The following C6orf89 variants were observed in gnomAD, a reference collection of about 807,000 sequenced individuals.
The protein encoded by C6orf89 is chromosome 6 open reading frame 89.
C6orf89 carries 29 observed loss-of-function variants against 40.7 expected under a neutral mutation model. The observed-to-expected ratio is 0.71, with a 90% confidence interval of 0.53 to 0.97. C6orf89 has a LOEUF of 0.97. Ranked by LOEUF, C6orf89 falls within the 50% of genes least tolerant of loss-of-function variation. The probability of loss-of-function intolerance (pLI) is 0.00; values close to 1 mark genes in which losing one functional copy is unlikely to be tolerated. For synonymous variants in C6orf89, 165 were observed against 152.2 expected (o/e 1.08, Z -0.62); for missense variants, 392 against 429.1 (o/e 0.91, Z 0.76).
At chr6:36,915,764 A>G (rs6457963) in intron 6 of C6orf89, among the ~76,000 whole-genome samples, 91,940 of 151,522 alleles carry the variant, frequency 0.61, 28,971 homozygotes, top group African/African-American at 0.77. Flanking sequence ...AAACAGAGAG[A>G]TTAAGTAACT....
At chr6:36,904,473 A>T (rs1761851774) in intron 4 of C6orf89, among the ~76,000 whole-genome samples, 1 of 152,196 alleles carries the variant, frequency 6.6e-6, no homozygotes, top group Admixed American at 6.5e-5. Flanking sequence ...TGGAAGCACC[A>T]TATTTTCCTA....
In C6orf89 at chr6:36,885,994, A is replaced by C; in HGVS notation, c.-154A>C. 8.7e-7 allele frequency: 1 copy of C among 1,143,108 alleles called. No homozygotes were observed. The highest frequency in any genetic ancestry group is 1.1e-6 in the Non-Finnish European group (1 of 951,414). The allele number at this position is 1,143,108 out of a possible 1,614,324, so 70.8% of individuals were successfully genotyped here. On this transcript the variant is annotated 5_prime_UTR_variant, in exon 1 of 9. Coordinates refer to ENST00000480824, the MANE Select transcript of C6orf89 (RefSeq NM_001286635.2). ...CCTCGCCCGGCGGCAGCTGTCCCCG[A>C]GGCGGGAGGAGCCCGAGGGGCGCGA...
At chr6:36,911,490 CA>C (rs565398766) in intron 4 of C6orf89, among the ~76,000 whole-genome samples, 2,009 of 150,826 alleles carry the variant, frequency 0.013, 54 homozygotes, top group African/African-American at 0.046. Flanking sequence ...ACTCCATCTC[CA>C]AAAAAAATAA....
intron 4 of C6orf89, among the ~76,000 whole-genome samples, chr6:36,909,741 C>T (rs963278788): frequency 6.6e-6 from 1 of 150,512 alleles, no homozygotes; most frequent in Admixed American, 6.6e-5. Flanking sequence ...CGTGATTGTA[C>T]CACTGCACTT....
At chr6:36,917,988 A>C (rs1388932856) in intron 7 of C6orf89, among the ~76,000 whole-genome samples, 1 of 152,210 alleles carries the variant, frequency 6.6e-6, no homozygotes, top group Non-Finnish European at 1.5e-5. Context: ...AACTCTTGAG[A>C]ACCCAGTTTC....
At chr6:36,917,385 G>A (rs1762361672) in intron 7 of C6orf89, among the ~76,000 whole-genome samples, 1 of 152,212 alleles carries the variant, frequency 6.6e-6, no homozygotes, top group African/African-American at 2.4e-5. Context: ...TCTGGGGCCA[G>A]TGGACTGGGA....
chr6:36,899,081 C>G (rs1285061409), intron 2 of C6orf89, among the ~76,000 whole-genome samples: 1 of 152,118 alleles, frequency 6.6e-6, no homozygotes, highest in Non-Finnish European at 1.5e-5. Context: ...TAGCAGATCT[C>G]CCATCATTGG....
At chr6:36,915,472 T>C (rs1762280590) in intron 6 of C6orf89, among the ~76,000 whole-genome samples, 1 of 152,170 alleles carries the variant, frequency 6.6e-6, no homozygotes. Flanking sequence ...CTAGGCGTGG[T>C]GGCTCATGCC....
upstream of C6orf89, chr6:36,883,484 C>T (rs929538240): frequency 1.3e-4 from 20 of 152,246 alleles, no homozygotes; most frequent in Admixed American, 1.1e-3. Context: ...TTGTTTATGC[C>T]TCTATGAACA....
chr6:36,914,504 T>C (rs758801020), intron 5 of C6orf89, 50 bp from the exon 6 acceptor site: 1 of 1,611,764 alleles, frequency 6.2e-7, no homozygotes, highest in South Asian at 1.1e-5. Context: ...TCTAGGAAAT[T>C]TCTGACAAGT....
chr6:36,921,742 TAG>T (rs1160789943), intron 8 of C6orf89, among the ~76,000 whole-genome samples: 1 of 152,044 alleles, frequency 6.6e-6, no homozygotes, highest in East Asian at 2.0e-4. Context: ...ACAGCATTGT[TAG>T]GGGCTGAGCA....
chr6:36,914,211 A>G, intron 4 of C6orf89, 73 bp from the exon 5 acceptor site: 4 of 1,297,206 alleles, frequency 3.1e-6, no homozygotes, highest in South Asian at 1.4e-5. Flanking sequence ...TTCTTGTTTC[A>G]TTGTTGGAGC....
At chr6:36,919,871 T>G (rs1018448427) in intron 8 of C6orf89, among the ~76,000 whole-genome samples, 170 bp downstream of exon 8, 3 of 152,174 alleles carry the variant, frequency 2.0e-5, no homozygotes, top group Non-Finnish European at 4.4e-5. Flanking sequence ...AACAACTTAA[T>G]GAGAAAACAT....
intron 4 of C6orf89, 54 bp from the exon 5 acceptor site, chr6:36,914,230 G>A: frequency 2.0e-6 from 3 of 1,472,674 alleles, no homozygotes; most frequent in Non-Finnish European, 1.9e-6. Context: ...GCTACTGGAT[G>A]TACCAGCTAT....
intron 1 of C6orf89, 44 bp from the exon 2 acceptor site, chr6:36,894,460 T>C (rs1761349220): frequency 2.2e-6 from 2 of 892,566 alleles, no homozygotes; most frequent in Non-Finnish European, 2.7e-6. Flanking sequence ...AAAACCAAGA[T>C]GTGAAAAATG....
Position 36,895,344 on chromosome 6 carries a change from T to C in C6orf89, c.-20+741T>C, listed in dbSNP as rs115229063. On this transcript the variant is annotated intron_variant, in intron 2 of 8. Coordinates refer to ENST00000480824, the MANE Select transcript of C6orf89 (RefSeq NM_001286635.2). Reference sequence around the variant, plus strand: ...ATTTCTGGGGGTTTTTTTGGTGTTATTGTTAGTATGGCTCTTAATGCTTTG... The same window carrying C: ...ATTTCTGGGGGTTTTTTTGGTGTTACTGTTAGTATGGCTCTTAATGCTTTG... Among the ~76,000 whole-genome samples, 883 of 152,338 alleles carry C rather than the reference T, an allele frequency of 5.8e-3. 7 individuals are homozygous for C. Among genetic ancestry groups the C allele is most frequent in the African/African-American group, 0.019 (798 of 41,576 alleles).
rs1761584852 is a variant in C6orf89, at chr6:36,899,619, A to G, written c.175A>G (p.Ile59Val). 4 of 1,613,944 alleles carry G rather than the reference A, an allele frequency of 2.5e-6. No homozygotes were observed. Among genetic ancestry groups the G allele is most frequent in the African/African-American group, 1.3e-5 (1 of 74,894 alleles). ...QRPPPQYPLL[I>V]VVYKVLATLG... ...ACCCCCCCCGCAGTATCCTCTCCTT[A>G]TAGTTGTGTATAAGGTAAAATGTTT... The change falls in exon 3 of 9, where the codon ATA (isoleucine) becomes GTA (valine). Residue 59 changes from isoleucine (I) to valine (V), a missense_variant. Transcript: ENST00000480824.
chr6:36,882,734 CTTT>C (rs1178360256), upstream of C6orf89, among the ~76,000 whole-genome samples: 15 of 46,344 alleles, frequency 3.2e-4, 1 homozygote, highest in East Asian at 5.3e-3. Context: ...TTTCTTTTTT[CTTT>C]TTTTTTTTTT....
chr6:36,882,161 G>GT (rs1484646679), upstream of C6orf89, among the ~76,000 whole-genome samples: 1 of 152,062 alleles, frequency 6.6e-6, no homozygotes, highest in East Asian at 1.9e-4. Flanking sequence ...TCAAAATACT[G>GT]TTTTTTCCTT....
Sources: allele counts gnomAD v4.1 joint callset (sites outside exome capture counted in the v4.1 genomes callset), GRCh38; gene constraint gnomAD v4.1.1; transcripts MANE v1.5; gene names NCBI Gene and HGNC (gene_info 2026-07-23, HGNC 2026-07-21).